The following TGFBR3L variants were observed in gnomAD, a reference collection of about 807,000 sequenced individuals.
TGFBR3L encodes transforming growth factor beta receptor 3 like, also known as transforming growth factor-beta receptor type 3-like protein.
In TGFBR3L, 21 loss-of-function variants were observed where a neutral mutation model predicts 20.4. The ratio of observed to expected loss-of-function variants is 1.03; its 90% confidence interval spans 0.73 to 1.48. The LOEUF (loss-of-function observed/expected upper bound fraction) is 1.48. TGFBR3L is among the 40% of genes most tolerant of loss of function. The probability of loss-of-function intolerance (pLI) is 0.00; values close to 1 mark genes in which losing one functional copy is unlikely to be tolerated. For missense variants in TGFBR3L, 479 were observed against 498.0 expected, an observed-to-expected ratio of 0.96 and a Z score of 0.36; for synonymous variants, 245 against 244.2, an observed-to-expected ratio of 1.00 and a Z score of -0.03.
In TGFBR3L at chr19:7,916,839, C is replaced by G; in HGVS notation, c.494C>G (p.Ser165Trp). The change falls in exon 2 of 6, where the codon TCG (serine) becomes TGG (tryptophan). Residue 165 changes from serine to tryptophan, a missense_variant. Transcript: ENST00000565886. ...CGCCTGCGCCCGGTCTTCAACGCCTCGGTGCAGTTCCTGCACTGCCAGCTG... is the reference window on the plus strand; with the variant it reads ...CGCCTGCGCCCGGTCTTCAACGCCTGGGTGCAGTTCCTGCACTGCCAGCTG... The G allele has an allele frequency of 1.2e-5, 17 of 1,466,296 alleles. No individual in the cohort carries two copies. The highest frequency in any genetic ancestry group is 1.5e-5 in the Non-Finnish European group (17 of 1,112,538). 90.8% of individuals were successfully genotyped at this position (1,466,296 alleles called of 1,614,324 possible). A position where few individuals can be genotyped will look rare whatever the true frequency, so the allele number is the denominator to read the frequency against.
rs894692506 is a variant in TGFBR3L at position 7,916,798 on chromosome 19, C to T, written c.453C>T (p.Pro151=). ...CGCCGAGCCCGGGTGCCGCCCGCCC[C>T]GCGCGTTTCAGCTTCCGCCTGCGCC... Residue 151 remains proline (P), a synonymous_variant, in exon 2 of 6, where the codon CCC becomes CCT. Coordinates refer to ENST00000565886, the MANE Select transcript of TGFBR3L (RefSeq NM_001195259.2). 4 of 1,486,078 alleles carry T rather than the reference C, an allele frequency of 2.7e-6. No individual in the cohort carries two copies. The highest frequency in any genetic ancestry group is 2.7e-6 in the Non-Finnish European group (3 of 1,123,576). 92.1% of individuals were successfully genotyped at this position (1,486,078 alleles called of 1,614,324 possible). A position where few individuals can be genotyped will look rare whatever the true frequency, so the allele number is the denominator to read the frequency against.
Position 7,916,145 on chromosome 19 carries a change from AGCTTCGGAG to A in TGFBR3L, c.-117_-109del. On this transcript the variant is annotated 5_prime_UTR_variant, in exon 1 of 6. Coordinates refer to ENST00000565886, the MANE Select transcript of TGFBR3L (RefSeq NM_001195259.2). ...CTTCCGCCCCAGGGAGGGCTTCGCCAGCTTCGGAGGCTTCTCTAGGGGCGCATGGCTCTG... is the reference window on the plus strand; with the variant it reads ...CTTCCGCCCCAGGGAGGGCTTCGCCAGCTTCTCTAGGGGCGCATGGCTCTG... 7.0e-7 allele frequency: 1 copy of A among 1,434,424 alleles called. No homozygotes were observed. Among genetic ancestry groups the A allele is most frequent in the Non-Finnish European group, 9.1e-7 (1 of 1,098,516 alleles). 88.9% of individuals were successfully genotyped at this position (1,434,424 alleles called of 1,614,324 possible).
At chr19:7,917,398 GGGGGCCCTGGGGACCAGAGCCACGATCCC>G (rs1439532798) in intron 2 of TGFBR3L, 46 bp from the exon 4 acceptor site, 2 of 1,476,014 alleles carry the variant, frequency 1.4e-6, no homozygotes, top group African/African-American at 2.9e-5. Context: ...GGTCTCTCTT[GGGGGCCCTGGGGACCAGAGCCACGATCCC>G]GGTGCCCTGA....
In TGFBR3L at chr19:7,916,367, C is replaced by T. The variant is rs1414657305; in HGVS notation, c.100C>T (p.Arg34Cys). The T allele has an allele frequency of 3.3e-6, 5 of 1,535,520 alleles. No homozygotes were observed. In the African/African-American group the frequency reaches 4.1e-5, roughly 13 times the overall value. Residue 34 changes from arginine (R) to cysteine (C), a missense_variant, in exon 1 of 6, where the codon CGT becomes TGT. Physicochemically the swap from Arg to Cys is radical, Grantham distance 180. Coordinates refer to ENST00000565886, the MANE Select transcript of TGFBR3L (RefSeq NM_001195259.2). ...TCCCGGAGGCCTAAAGGGCAGCGCGCGTTTTCTCTCCTTTGGGCCGCCCTT... is the reference window on the plus strand; with the variant it reads ...TCCCGGAGGCCTAAAGGGCAGCGCGTGTTTTCTCTCCTTTGGGCCGCCCTT...
rs554939139 is a variant in TGFBR3L at position 7,918,146 on chromosome 19, A to G, written c.*5+17A>G. 7.6e-4 allele frequency: 1,159 copies of G among 1,534,750 alleles called. 7 individuals carry two copies. The African/African-American group carries it at 0.011, about 15-fold the overall frequency. On this transcript the variant is annotated intron_variant, in intron 5 of 5. Transcript: ENST00000565886. ...GTGAGGAAGGTAGGTATGGAGGTGGAGGGAGCTGGGTGAGGTAGGAGATCT... is the reference window on the plus strand; with the variant it reads ...GTGAGGAAGGTAGGTATGGAGGTGGGGGGAGCTGGGTGAGGTAGGAGATCT...
At position 7,917,700 on chromosome 19, in the gene TGFBR3L, G is replaced by C; in HGVS notation, c.725-1G>C. The C allele has an allele frequency of 7.0e-7, 1 of 1,423,634 alleles. No individual in the cohort carries two copies. The highest frequency in any genetic ancestry group is 1.5e-5 in the South Asian group (1 of 68,786). 88.2% of individuals were successfully genotyped at this position (1,423,634 alleles called of 1,614,324 possible). On this transcript the variant is annotated splice_acceptor_variant, in intron 3 of 5. Coordinates refer to ENST00000565886, the MANE Select transcript of TGFBR3L (RefSeq NM_001195259.2). LOFTEE classifies it high-confidence loss of function. Reference sequence around the variant, plus strand: ...CAGTCTCAGCGTGGCACTTCCCACAGGGCCGCCCAAGAGTGTCCCCGGCCG... The same window carrying C: ...CAGTCTCAGCGTGGCACTTCCCACACGGCCGCCCAAGAGTGTCCCCGGCCG...
chr19:7,918,947 T>C lies in TGFBR3L; in HGVS notation c.*36T>C. On this transcript the variant is annotated 3_prime_UTR_variant, in exon 6 of 6. Coordinates refer to ENST00000565886, the MANE Select transcript of TGFBR3L (RefSeq NM_001195259.2). ...GTGCGCCCCCAACATGGTCCGGAGA[T>C]ACACCCAGCTACCAATTCGGGACCA... 2.5e-6 allele frequency: 1 copy of C among 398,560 alleles called. No homozygotes were observed. The highest frequency in any genetic ancestry group is 4.4e-6 in the Non-Finnish European group (1 of 226,068). 24.7% of individuals were successfully genotyped at this position (398,560 alleles called of 1,614,324 possible).
rs1025777368 is a variant in TGFBR3L at position 7,916,394 on chromosome 19, C to G, written c.127C>G (p.Pro43Ala). ...TTTTCTCTCCTTTGGGCCGCCCTTC[C>G]CCGCCCCGCCAGCTCCCCCGTTCCC... is the stretch of plus-strand genomic sequence containing the variant. Residue 43 changes from proline (P) to alanine (A), a missense_variant, in exon 1 of 6, where the codon CCC becomes GCC. Physicochemically the swap from Pro to Ala is conservative, Grantham distance 27. Transcript: ENST00000565886. The G allele has an allele frequency of 8.2e-5, 126 of 1,535,110 alleles. No homozygotes were observed. The highest frequency in any genetic ancestry group is 1.1e-4 in the Non-Finnish European group (122 of 1,146,572).
Position 7,916,208 on chromosome 19 carries a change from G to C in TGFBR3L, c.-60G>C. On this transcript the variant is annotated 5_prime_UTR_variant, in exon 1 of 6. Transcript: ENST00000565886. ...CCGGCTCAGTTGCTGGGCTGTGCGA[G>C]TCCCAGGGGTCGCCAGGGGGCACAT... 2 of 1,502,142 alleles carry C rather than the reference G, an allele frequency of 1.3e-6. No homozygotes were observed. Among genetic ancestry groups the C allele is most frequent in the South Asian group, 2.6e-5 (2 of 78,158 alleles). 93.1% of individuals were successfully genotyped at this position (1,502,142 alleles called of 1,614,324 possible). A position where few individuals can be genotyped will look rare whatever the true frequency, so the allele number is the denominator to read the frequency against.
Position 7,917,738 on chromosome 19 carries a change from T to C in TGFBR3L, c.762T>C (p.Pro254=). 3 of 1,430,292 alleles carry C rather than the reference T, an allele frequency of 2.1e-6. No individual in the cohort carries two copies. In the South Asian group the frequency reaches 4.3e-5, roughly 20 times the overall value. 88.6% of individuals were successfully genotyped at this position (1,430,292 alleles called of 1,614,324 possible). A position where few individuals can be genotyped will look rare whatever the true frequency, so the allele number is the denominator to read the frequency against. ...GTGTCCCCGGCCGTGCAGTGCGCCC[T>C]GAGCCTCCCGCGCCGGCCCCCGCGG... is the stretch of plus-strand genomic sequence containing the variant. Residue 254 remains proline (P), a synonymous_variant, in exon 4 of 6, where the codon CCT becomes CCC. Coordinates refer to ENST00000565886, the MANE Select transcript of TGFBR3L (RefSeq NM_001195259.2).
Position 7,917,821 on chromosome 19 carries a change from CGCTGGCCGCCGG to C in TGFBR3L, c.851_862del (p.Ala284_Leu287del), listed in dbSNP as rs1367432084. 1.3e-5 allele frequency: 18 copies of C among 1,390,914 alleles called. No homozygotes were observed. The highest frequency in any genetic ancestry group is 3.6e-5 in the Admixed American group (1 of 27,894). The allele number at this position is 1,390,914 out of a possible 1,614,324, so 86.2% of individuals were successfully genotyped here. On this transcript the variant is annotated inframe_deletion, in exon 4 of 6. Coordinates refer to ENST00000565886, the MANE Select transcript of TGFBR3L (RefSeq NM_001195259.2). Reference sequence around the variant, plus strand: ...TTGGCAGCCTTCGTGCTGGGCGCCGCGCTGGCCGCCGGGCTGGGTCTCGTCTGTGCGCACTCA... The same window carrying C: ...TTGGCAGCCTTCGTGCTGGGCGCCGCGCTGGGTCTCGTCTGTGCGCACTCA...
Position 7,915,554 on chromosome 19 carries a change from C to A in TGFBR3L, c.-714C>A, listed in dbSNP as rs1311836183. 6.6e-6 allele frequency among the ~76,000 whole-genome samples: 1 copy of A among 152,138 alleles called. No individual in the cohort carries two copies. The highest frequency in any genetic ancestry group is 6.5e-5 in the Admixed American group (1 of 15,270). On this transcript the variant is annotated 5_prime_UTR_variant, in exon 1 of 6. Coordinates refer to ENST00000565886, the MANE Select transcript of TGFBR3L (RefSeq NM_001195259.2). ...GCTGAGGTGAGAGGATCGCTTGAAG[C>A]CAGGAGTTCCAGACCAGCCTGGGCA... is the stretch of plus-strand genomic sequence containing the variant.
chr19:7,918,238 T>C lies in TGFBR3L; in HGVS notation c.*5+109T>C. The C allele has an allele frequency of 4.6e-6, 6 of 1,294,638 alleles. No individual in the cohort carries two copies. In the South Asian group the frequency reaches 5.4e-5, roughly 12 times the overall value. 80.2% of individuals were successfully genotyped at this position (1,294,638 alleles called of 1,614,324 possible). A position where few individuals can be genotyped will look rare whatever the true frequency, so the allele number is the denominator to read the frequency against. On this transcript the variant is annotated intron_variant, in intron 5 of 5. Coordinates refer to ENST00000565886, the MANE Select transcript of TGFBR3L (RefSeq NM_001195259.2). ...TGGTTTTTTTGTTTGTTTGTTTGTT[T>C]GTTTGTTTGTTTTTTGAGACGGAGT...
Position 7,916,118 on chromosome 19 carries a change from C to T in TGFBR3L, c.-150C>T. ...CACCATCGGGTGCTCCTCACCGCTT[C>T]TCTTCCGCCCCAGGGAGGGCTTCGC... On this transcript the variant is annotated 5_prime_UTR_variant, in exon 1 of 6. Coordinates refer to ENST00000565886, the MANE Select transcript of TGFBR3L (RefSeq NM_001195259.2). 7.0e-7 allele frequency: 1 copy of T among 1,419,978 alleles called. No homozygotes were observed. The highest frequency in any genetic ancestry group is 1.5e-5 in the South Asian group (1 of 66,150). 88.0% of individuals were successfully genotyped at this position (1,419,978 alleles called of 1,614,324 possible).
At position 7,915,890 on chromosome 19, in the gene TGFBR3L, G is replaced by T. The variant is rs553635854; in HGVS notation, c.-378G>T. Among the ~76,000 whole-genome samples, 2 of 152,364 alleles carry T rather than the reference G, an allele frequency of 1.3e-5. No individual in the cohort carries two copies. The highest frequency in any genetic ancestry group is 4.8e-5 in the African/African-American group (2 of 41,574). ...CCCATGGCTGCCTCAGCCTGGACAAGTGGAAGCGTCTCAGATCTTGGTGGC... is the reference window on the plus strand; with the variant it reads ...CCCATGGCTGCCTCAGCCTGGACAATTGGAAGCGTCTCAGATCTTGGTGGC... On this transcript the variant is annotated 5_prime_UTR_variant, in exon 1 of 6. Transcript: ENST00000565886.
Position 7,917,546 on chromosome 19 carries a change from A to G in TGFBR3L, c.671A>G (p.His224Arg). Reference sequence around the variant, plus strand: ...GAGGGCCTGGCTGCTGACGGCCCCCACCTGCACACGCTGACGCAGCCTATC... The same window carrying G: ...GAGGGCCTGGCTGCTGACGGCCCCCGCCTGCACACGCTGACGCAGCCTATC... Residue 224 changes from histidine (H) to arginine (R), a missense_variant, in exon 3 of 6, where the codon CAC becomes CGC. His to Arg is a conservative substitution (Grantham distance 29, BLOSUM62 0). Transcript: ENST00000565886. 6.6e-7 allele frequency: 1 copy of G among 1,520,254 alleles called. No individual in the cohort carries two copies. The highest frequency in any genetic ancestry group is 8.8e-7 in the Non-Finnish European group (1 of 1,140,390). 94.2% of individuals were successfully genotyped at this position (1,520,254 alleles called of 1,614,324 possible).
Position 7,916,877 on chromosome 19 carries a change from C to CGCCTCCGGGGAG in TGFBR3L, c.533_544dup (p.Gly181_Val182insGlyLeuArgGly). On this transcript the variant is annotated inframe_insertion, in exon 2 of 6. Transcript: ENST00000565886. ...GCACTGCCAGCTGAGCCGCTGCCGC[C>CGCCTCCGGGGAG]GCCTCCGGGGAGTCCGCCGGGCGCC... 4.3e-6 allele frequency: 6 copies of CGCCTCCGGGGAG among 1,382,960 alleles called. No individual in the cohort carries two copies. The highest frequency in any genetic ancestry group is 5.6e-6 in the Non-Finnish European group (6 of 1,068,488). The allele number at this position is 1,382,960 out of a possible 1,614,324, so 85.7% of individuals were successfully genotyped here. A position where few individuals can be genotyped will look rare whatever the true frequency, so the allele number is the denominator to read the frequency against.
In TGFBR3L at chr19:7,917,084, G is replaced by C. The variant is rs1445908311; in HGVS notation, c.597+142G>C. On this transcript the variant is annotated intron_variant, in intron 2 of 5. Transcript: ENST00000565886. ...AGGTGGGGCGCAAGGGTCCATCTCT[G>C]CCGACAGAGTTTCTCCGGGGACAGT... 4 of 1,162,666 alleles carry C rather than the reference G, an allele frequency of 3.4e-6. No homozygotes were observed. In the African/African-American group the frequency reaches 6.5e-5, roughly 19 times the overall value. 72.0% of individuals were successfully genotyped at this position (1,162,666 alleles called of 1,614,324 possible).
In TGFBR3L at chr19:7,917,518, G is replaced by A. The variant is rs999166391; in HGVS notation, c.643G>A (p.Ala215Thr). Residue 215 changes from alanine (A) to threonine (T), a missense_variant, in exon 3 of 6, where the codon GCC becomes ACC. By Grantham distance (58) the Ala-to-Thr change is moderately conservative (BLOSUM62 0). Transcript: ENST00000565886. The stretch of plus-strand genomic sequence containing the variant: ...GTGCGCCGACACTGGCAGTGGCAGC[G>A]CCGAGGGCCTGGCTGCTGACGGCCC... 1.3e-6 allele frequency: 2 copies of A among 1,524,792 alleles called. No homozygotes were observed. The highest frequency in any genetic ancestry group is 2.8e-5 in the African/African-American group (2 of 71,924). 94.5% of individuals were successfully genotyped at this position (1,524,792 alleles called of 1,614,324 possible). A position where few individuals can be genotyped will look rare whatever the true frequency, so the allele number is the denominator to read the frequency against.
Sources: allele counts gnomAD v4.1 joint callset (sites outside exome capture counted in the v4.1 genomes callset), GRCh38; gene constraint gnomAD v4.1.1; transcripts MANE v1.5; gene names NCBI Gene and HGNC (gene_info 2026-07-23, HGNC 2026-07-21).